The following MPZL3 variants were observed in gnomAD, a reference collection of about 807,000 sequenced individuals.
The protein encoded by MPZL3 is myelin protein zero-like protein 3.
Under a neutral mutation model 24.8 loss-of-function variants are expected in MPZL3, and 23 were observed. The ratio of observed to expected loss-of-function variants is 0.93; its 90% CI spans 0.67 to 1.31. The LOEUF (loss-of-function observed/expected upper bound fraction) is 1.31. Ranked by LOEUF, MPZL3 falls within the 40% of genes most tolerant of loss-of-function variation. The pLI, the probability that MPZL3 is intolerant of heterozygous loss-of-function variation, is 0.00. For synonymous variants in MPZL3, 99 were observed against 106.5 expected (o/e 0.93, Z 0.44); for missense variants, 277 against 294.9 (o/e 0.94, Z 0.44).
intron 5 of MPZL3, among the ~76,000 whole-genome samples, chr11:118,230,367 C>T (rs939270): frequency 0.091 from 13,778 of 152,084 alleles, 2,088 homozygotes; most frequent in African/African-American, 0.31. Flanking sequence ...ATTAACTTCT[C>T]TAAGCCTCAG....
chr11:118,239,797 T>C (rs567128807), intron 2 of MPZL3, among the ~76,000 whole-genome samples: 1 of 152,268 alleles, frequency 6.6e-6, no homozygotes, highest in South Asian at 2.1e-4. Flanking sequence ...GATACACCCA[T>C]TGAGACAACT....
intron 2 of MPZL3, among the ~76,000 whole-genome samples, chr11:118,239,668 TCTGTCACCAACAC>T (rs1257373756): frequency 7.2e-5 from 11 of 152,192 alleles, no homozygotes; most frequent in African/African-American, 2.7e-4. Flanking sequence ...GTCACCAACA[TCTGTCACCAACAC>T]GAGGTGCCAC....
rs189843779 is a variant in MPZL3, at chr11:118,244,102, C to T, written c.74-3725G>A. Among the ~76,000 whole-genome samples, 118 of 152,296 alleles carry T rather than the reference C, an allele frequency of 7.7e-4. 1 individual carries two copies. In the East Asian group the frequency reaches 0.022, roughly 28 times the overall value. ...GATAAAAACCCCAGTAGACACTTTT[C>T]TATACTTATTTTACTGGGTCCTCTA... On this transcript the variant is annotated intron_variant, in intron 1 of 5. Transcript: ENST00000278949.
In MPZL3 at chr11:118,229,756, A is replaced by C. The variant is rs1949324996; in HGVS notation, c.*138T>G. 4.3e-6 allele frequency: 3 copies of C among 698,412 alleles called. No homozygotes were observed. The highest frequency in any genetic ancestry group is 7.2e-6 in the Non-Finnish European group (3 of 416,236). The allele number at this position is 698,412 out of a possible 1,614,324, so 43.3% of individuals were successfully genotyped here. On this transcript the variant is annotated 3_prime_UTR_variant, in exon 6 of 6. Coordinates refer to ENST00000278949, the MANE Select transcript of MPZL3 (RefSeq NM_198275.3). ...TATTCAATAAATAAGTGGTTCCTAA[A>C]GTCTTTACTGATGATCTCCAGGATT...
intron 4 of MPZL3, among the ~76,000 whole-genome samples, chr11:118,234,576 G>A (rs1949396375): frequency 6.6e-6 from 1 of 152,256 alleles, no homozygotes; most frequent in Non-Finnish European, 1.5e-5. Flanking sequence ...AGATGTCAGG[G>A]AACAATGTGA....
chr11:118,240,892 T>C (rs1416449872), intron 1 of MPZL3, among the ~76,000 whole-genome samples: 1 of 152,094 alleles, frequency 6.6e-6, no homozygotes, highest in Non-Finnish European at 1.5e-5. Context: ...GAATAGGAAG[T>C]AAGAATGGGA....
intron 1 of MPZL3, among the ~76,000 whole-genome samples, chr11:118,251,078 CGTGTGTGTGTGTGTGTGTGT>C (rs3221165): frequency 1.4e-5 from 2 of 144,270 alleles, no homozygotes; most frequent in Admixed American, 7.0e-5. Context: ...GAATATTTCT[CGTGTGTGTGTGTGTGTGTGT>C]GTGTGTGTGT....
Position 118,228,469 on chromosome 11 carries a change from T to C in MPZL3, c.*1425A>G, listed in dbSNP as rs1949301354. 6.6e-6 allele frequency: 1 copy of C among 152,222 alleles called. No individual in the cohort carries two copies. The highest frequency in any genetic ancestry group is 1.5e-5 in the Non-Finnish European group (1 of 68,042). 9.4% of individuals were successfully genotyped at this position (152,222 alleles called of 1,614,324 possible). A position where few individuals can be genotyped will look rare whatever the true frequency, so the allele number is the denominator to read the frequency against. Reference sequence around the variant, plus strand: ...TATGCACCATCCATCTTTACTGATATACTATACATATGCCTTAATGGCTTA... The same window carrying C: ...TATGCACCATCCATCTTTACTGATACACTATACATATGCCTTAATGGCTTA... On this transcript the variant is annotated 3_prime_UTR_variant, in exon 6 of 6. Coordinates refer to ENST00000278949, the MANE Select transcript of MPZL3 (RefSeq NM_198275.3).
intron 2 of MPZL3, among the ~76,000 whole-genome samples, chr11:118,238,643 G>C (rs1949454732): frequency 6.6e-6 from 1 of 152,200 alleles, no homozygotes; most frequent in Non-Finnish European, 1.5e-5. Context: ...TCCCAGAAAA[G>C]ATGCTGACTC....
At chr11:118,238,365 T>A (rs1442996504) in intron 2 of MPZL3, among the ~76,000 whole-genome samples, 1 of 152,180 alleles carries the variant, frequency 6.6e-6, no homozygotes, top group Non-Finnish European at 1.5e-5. Flanking sequence ...TATGTTGAAT[T>A]AAAATAATGC....
chr11:118,239,685 G>A (rs1239412993), intron 2 of MPZL3, among the ~76,000 whole-genome samples: 1 of 152,090 alleles, frequency 6.6e-6, no homozygotes, highest in East Asian at 1.9e-4. Context: ...CCAACACGAG[G>A]TGCCACCATT....
At position 118,226,780 on chromosome 11, in the gene MPZL3, C is replaced by T. The variant is rs1949276832; in HGVS notation, c.*3114G>A. On this transcript the variant is annotated 3_prime_UTR_variant, in exon 6 of 6. Transcript: ENST00000278949. The stretch of plus-strand genomic sequence containing the variant: ...TGTGCATATGGCCCAACAGTGCCTA[C>T]CCTCCTACAAAACAAAAACAAAAAC... 6.6e-6 allele frequency: 1 copy of T among 152,194 alleles called. No homozygotes were observed. Among genetic ancestry groups the T allele is most frequent in the Admixed American group, 6.6e-5 (1 of 15,264 alleles). 9.4% of individuals were successfully genotyped at this position (152,194 alleles called of 1,614,324 possible).
Position 118,229,125 on chromosome 11 carries a change from C to CAAAAAA in MPZL3, c.*763_*768dup, listed in dbSNP as rs60832269. Reference sequence around the variant, plus strand: ...CTGGCGACAGAGTGAGACTCTGCCTCAAAAAAAAAAAAAAAAAAAAAAAAG... The same window carrying CAAAAAA: ...CTGGCGACAGAGTGAGACTCTGCCTCAAAAAAAAAAAAAAAAAAAAAAAAAAAAAAG... On this transcript the variant is annotated 3_prime_UTR_variant, in exon 6 of 6. Transcript: ENST00000278949. 2 of 96,436 alleles carry CAAAAAA rather than the reference C, an allele frequency of 2.1e-5. No homozygotes were observed. The highest frequency in any genetic ancestry group is 1.2e-4 in the African/African-American group (2 of 17,390). 6.0% of individuals were successfully genotyped at this position (96,436 alleles called of 1,614,324 possible). A position where few individuals can be genotyped will look rare whatever the true frequency, so the allele number is the denominator to read the frequency against.
intron 4 of MPZL3, 126 bp from the exon 5 acceptor site, chr11:118,233,649 G>T: frequency 1.1e-6 from 1 of 921,038 alleles, no homozygotes. Context: ...TCACTAGCTG[G>T]GTGACTGGGC....
At chr11:118,247,331 A>T (rs1404848341) in intron 1 of MPZL3, among the ~76,000 whole-genome samples, 1 of 152,228 alleles carries the variant, frequency 6.6e-6, no homozygotes, top group Non-Finnish European at 1.5e-5. Context: ...ACCAATCATT[A>T]CATCTAGTGG....
chr11:118,240,783 A>ACACACTCT (rs1418485892), intron 1 of MPZL3, among the ~76,000 whole-genome samples: 32 of 140,542 alleles, frequency 2.3e-4, no homozygotes, highest in Admixed American at 1.1e-3. Context: ...ACACACACAC[A>ACACACTCT]CTCTGGGAAT....
intron 1 of MPZL3, among the ~76,000 whole-genome samples, chr11:118,240,732 GACACACACACACACACAC>G (rs56100329): frequency 1.3e-4 from 16 of 121,630 alleles, no homozygotes; most frequent in South Asian, 2.7e-4. Context: ...ATCCCCCGCA[GACACACACACACACACAC>G]ACACACACAC....
intron 5 of MPZL3, among the ~76,000 whole-genome samples, chr11:118,232,571 TCACTG>T (rs1266992224): frequency 5.9e-5 from 9 of 152,052 alleles, no homozygotes; most frequent in African/African-American, 2.2e-4. Flanking sequence ...GCTCAACAAA[TCACTG>T]TTGAATGGAT....
chr11:118,226,983 T>C lies in MPZL3; in HGVS notation c.*2911A>G, dbSNP rs1023580992. 4 of 152,262 alleles carry C rather than the reference T, an allele frequency of 2.6e-5. No individual in the cohort carries two copies. The highest frequency in any genetic ancestry group is 5.9e-5 in the Non-Finnish European group (4 of 68,048). 9.4% of individuals were successfully genotyped at this position (152,262 alleles called of 1,614,324 possible). On this transcript the variant is annotated 3_prime_UTR_variant, in exon 6 of 6. Coordinates refer to ENST00000278949, the MANE Select transcript of MPZL3 (RefSeq NM_198275.3). Reference sequence around the variant, plus strand: ...CATAACTGAGTGACTTAGTAGAACATTCATATTCAGGATGTGGCCTCCAGA... The same window carrying C: ...CATAACTGAGTGACTTAGTAGAACACTCATATTCAGGATGTGGCCTCCAGA...
Sources: gnomAD v4.1 joint callset for allele counts (sites outside exome capture counted in the v4.1 genomes callset) on GRCh38, gnomAD v4.1.1 for gene constraint, MANE v1.5 for transcripts, NCBI Gene and HGNC (gene_info 2026-07-23, HGNC 2026-07-21) for gene names.